The following COL13A1 variants were observed in gnomAD, a reference collection of about 807,000 sequenced individuals.
COL13A1 encodes the protein collagen type XIII alpha 1 chain, also known as collagen alpha-1(XIII) chain.
In COL13A1, 89 loss-of-function variants were observed where a neutral mutation model predicts 130.9. That is an observed-to-expected ratio of 0.68 (90% CI 0.57 to 0.81). The LOEUF is 0.81. Ranked by LOEUF, COL13A1 falls within the 30% of genes least tolerant of loss-of-function variation. The probability of loss-of-function intolerance (pLI) is 0.00; values close to 1 mark genes in which losing one functional copy is unlikely to be tolerated. For missense variants in COL13A1, 879 were observed against 934.6 expected (o/e 0.94, Z 0.78); for synonymous variants, 402 against 341.6 (o/e 1.18, Z -1.95).
At chr10:69,904,863 G>C in intron 15 of COL13A1, 70 bp from the exon 16 acceptor site, 7 of 1,512,386 alleles carry the variant, frequency 4.6e-6, no homozygotes, top group Non-Finnish European at 6.2e-6. Context: ...TCTACTGTAA[G>C]TATGGCTAGC....
intron 39 of COL13A1, 111 bp from the exon 40 acceptor site, chr10:69,956,893 C>A (rs2136454516): frequency 1.3e-6 from 1 of 794,234 alleles, no homozygotes; most frequent in Non-Finnish European, 2.2e-6. Context: ...CGTGGGTGGG[C>A]CACATCCTGA....
chr10:69,834,935 G>T (rs1054563245), intron 2 of COL13A1, among the ~76,000 whole-genome samples: 3 of 152,238 alleles, frequency 2.0e-5, no homozygotes, highest in African/African-American at 7.2e-5. Flanking sequence ...ACAATGCTCA[G>T]GGAAGTGGCC....
intron 7 of COL13A1, among the ~76,000 whole-genome samples, chr10:69,881,121 CAG>C (rs2060095984): frequency 6.6e-6 from 1 of 152,216 alleles, no homozygotes; most frequent in African/African-American, 2.4e-5. Flanking sequence ...AGGACCAAAA[CAG>C]GGGTGTGGGT....
intron 7 of COL13A1, among the ~76,000 whole-genome samples, chr10:69,881,008 CCT>C (rs1318223284): frequency 6.6e-6 from 1 of 152,358 alleles, no homozygotes; most frequent in East Asian, 1.9e-4. Flanking sequence ...CTCACAGATG[CCT>C]CTGTGTGCAG....
chr10:69,819,942 A>G (rs1227774), intron 1 of COL13A1, among the ~76,000 whole-genome samples: 150,883 of 152,308 alleles, frequency 0.99, 74,750 homozygotes, highest in East Asian at 1. Context: ...CCTGTCTCTG[A>G]GCCTTCGCCT....
At chr10:69,819,154 A>C (rs1280086866) in intron 1 of COL13A1, among the ~76,000 whole-genome samples, 1 of 152,218 alleles carries the variant, frequency 6.6e-6, no homozygotes, top group Non-Finnish European at 1.5e-5. Context: ...GAGGACCCAG[A>C]ATTTAAGCCC....
At chr10:69,846,681 C>T (rs1309799309) in intron 2 of COL13A1, among the ~76,000 whole-genome samples, 2 of 152,222 alleles carry the variant, frequency 1.3e-5, no homozygotes, top group African/African-American at 4.8e-5. Context: ...TCGTCTTAAC[C>T]TTCCTCCCTC....
chr10:69,954,554 G>A lies in COL13A1; in HGVS notation c.2145+1586G>A, dbSNP rs549854861. The stretch of plus-strand genomic sequence containing the variant: ...TGCTCCTCCATCACATGATTTGGGG[G>A]ACAGAAGGGCATGATTACAGAGTAG... On this transcript the variant is annotated intron_variant, in intron 39 of 40. Coordinates refer to ENST00000645393, the MANE Select transcript of COL13A1 (RefSeq NM_001368882.1). 2.0e-5 allele frequency among the ~76,000 whole-genome samples: 3 copies of A among 152,336 alleles called. No homozygotes were observed. In the South Asian group the frequency reaches 6.2e-4, roughly 32 times the overall value.
chr10:69,809,459 G>A (rs762707385), intron 1 of COL13A1, among the ~76,000 whole-genome samples: 1 of 152,218 alleles, frequency 6.6e-6, no homozygotes, highest in Non-Finnish European at 1.5e-5. Flanking sequence ...ATCCTATGAA[G>A]TGGTTACTAT....
intron 13 of COL13A1, among the ~76,000 whole-genome samples, chr10:69,896,428 C>T (rs533308882): frequency 6.6e-6 from 1 of 152,314 alleles, no homozygotes; most frequent in African/African-American, 2.4e-5. Flanking sequence ...GGCCTCGTTG[C>T]TCCCAGACCT....
chr10:69,902,675 C>A, intron 14 of COL13A1, 73 bp from the exon 15 acceptor site: 1 of 1,255,242 alleles, frequency 8.0e-7, no homozygotes, highest in Non-Finnish European at 1.1e-6. Flanking sequence ...TCACTGGGTG[C>A]ATGGCCTGAG....
chr10:69,805,119 G>A (rs934806496), intron 1 of COL13A1, among the ~76,000 whole-genome samples: 1 of 152,192 alleles, frequency 6.6e-6, no homozygotes, highest in African/African-American at 2.4e-5. Context: ...AGTAGGAGAT[G>A]TGGCTGGAGA....
intron 34 of COL13A1, among the ~76,000 whole-genome samples, chr10:69,938,392 C>T (rs968215796): frequency 7.2e-5 from 11 of 152,132 alleles, no homozygotes; most frequent in Admixed American, 5.9e-4. Flanking sequence ...CCCTGGAGCC[C>T]GGGCTCCATG....
intron 1 of COL13A1, among the ~76,000 whole-genome samples, chr10:69,803,276 C>G (rs750651690): frequency 6.6e-6 from 1 of 152,278 alleles, no homozygotes; most frequent in Admixed American, 6.5e-5. Context: ...CTCTGCTGTC[C>G]TTGGCCACAA....
intron 30 of COL13A1, among the ~76,000 whole-genome samples, chr10:69,930,841 T>C (rs2066021166): frequency 6.6e-6 from 1 of 152,200 alleles, no homozygotes; most frequent in Non-Finnish European, 1.5e-5. Context: ...GCGATAATAA[T>C]GTTTTCCCTG....
intron 3 of COL13A1, among the ~76,000 whole-genome samples, chr10:69,870,369 G>C (rs2058940414): frequency 6.6e-6 from 1 of 151,724 alleles, no homozygotes; most frequent in Admixed American, 6.6e-5. Context: ...CTGGGGAGCA[G>C]TGGTGCGATC....
At chr10:69,828,379 G>A (rs973510569) in intron 2 of COL13A1, among the ~76,000 whole-genome samples, 9 of 151,712 alleles carry the variant, frequency 5.9e-5, no homozygotes, top group Admixed American at 6.6e-5. Flanking sequence ...TGCCCCCTTC[G>A]CCTTCACCCA....
chr10:69,815,241 G>A (rs879631440), intron 1 of COL13A1, among the ~76,000 whole-genome samples: 36 of 152,318 alleles, frequency 2.4e-4, no homozygotes, highest in Admixed American at 5.9e-4. Context: ...GAGCTAGGAC[G>A]TTTTAAGAGC....
chr10:69,813,064 A>G (rs1187892515), intron 1 of COL13A1, among the ~76,000 whole-genome samples: 2 of 152,344 alleles, frequency 1.3e-5, no homozygotes, highest in East Asian at 3.9e-4. Flanking sequence ...GAGCAGCCTC[A>G]GTCTGCTTTG....
Sources: gnomAD v4.1 joint callset for allele counts (sites outside exome capture counted in the v4.1 genomes callset) on GRCh38, gnomAD v4.1.1 for gene constraint, MANE v1.5 for transcripts, NCBI Gene and HGNC (gene_info 2026-07-23, HGNC 2026-07-21) for gene names.